The following ZNF600 variants were observed in gnomAD, a reference collection of about 807,000 sequenced individuals.
ZNF600 encodes the protein zinc finger protein 600.
A neutral mutation model predicts 7.3 loss-of-function variants in ZNF600; 4 were observed. That is an observed-to-expected ratio of 0.55 (90% CI 0.27 to 1.25). The LOEUF (loss-of-function observed/expected upper bound fraction) is 1.25. ZNF600 is among the 50% of genes most tolerant of loss of function. The pLI, the probability that ZNF600 is intolerant of heterozygous loss-of-function variation, is 0.12. For missense variants in ZNF600, 911 were observed against 922.1 expected (o/e 0.99, Z 0.16); for synonymous variants, 290 against 308.9 (o/e 0.94, Z 0.64).
At chr19:52,809,550 G>A in the ZNF600 span, among the ~76,000 whole-genome samples, 2 of 152,202 alleles carry the variant, frequency 1.3e-5, no homozygotes, top group Non-Finnish European at 2.9e-5. Flanking sequence ...GCTCACGCCT[G>A]TAATCCCAGC....
chr19:52,799,824 T>G, the ZNF600 span: 13 of 1,613,348 alleles, frequency 8.1e-6, no homozygotes, highest in African/African-American at 1.3e-5. Flanking sequence ...GTGTGCTTGT[T>G]GATTAAAAAC....
At chr19:52,767,314 G>A (rs772076552) in exon 4 of ZNF600, 61 of 1,614,026 alleles carry the variant, frequency 3.8e-5, no homozygotes, top group South Asian at 1.3e-4. Context: ...TGTGGGAGTA[G>A]TGAAGAATTC....
chr19:52,809,908 T>C, the ZNF600 span: 1 of 827,306 alleles, frequency 1.2e-6, no homozygotes, highest in Non-Finnish European at 2.0e-6. Flanking sequence ...CGCCATCTTG[T>C]GCCCGGGGCC....
upstream of ZNF600, among the ~76,000 whole-genome samples, chr19:52,787,401 C>CTTTTTTT (rs1167453014): frequency 7.8e-5 from 9 of 114,826 alleles, no homozygotes; most frequent in Non-Finnish European, 1.1e-4. Context: ...CGCTCTTTTA[C>CTTTTTTT]TTTTTTTTTT....
At chr19:52,824,597 T>G in the ZNF600 span, among the ~76,000 whole-genome samples, 210 of 152,176 alleles carry the variant, frequency 1.4e-3, no homozygotes, top group African/African-American at 4.9e-3. Context: ...ATTGTGCCAC[T>G]GCACTCCAGC....
the ZNF600 span, among the ~76,000 whole-genome samples, chr19:52,816,586 C>G: frequency 1.4e-5 from 2 of 145,026 alleles, 1 homozygote; most frequent in African/African-American, 5.4e-5. Flanking sequence ...ATGGCATGAA[C>G]CCAGGAGGCA....
chr19:52,784,336 G>A (rs1435139381), intron 1 of ZNF600, among the ~76,000 whole-genome samples: 1 of 152,184 alleles, frequency 6.6e-6, no homozygotes, highest in African/African-American at 2.4e-5. Context: ...AGCCTAGGAG[G>A]TCGAGGCTGC....
intron 3 of ZNF600, among the ~76,000 whole-genome samples, chr19:52,768,165 CAAAG>C (rs1047191072): frequency 6.7e-6 from 1 of 148,474 alleles, no homozygotes; most frequent in African/African-American, 2.5e-5. Context: ...AAAAAAAAAA[CAAAG>C]AAACCCACAC....
chr19:52,771,740 A>G (rs1002136375), intron 3 of ZNF600, among the ~76,000 whole-genome samples: 1 of 152,042 alleles, frequency 6.6e-6, no homozygotes, highest in African/African-American at 2.4e-5. Context: ...TGCCTCCCAA[A>G]TTTTTGGGAT....
the ZNF600 span, among the ~76,000 whole-genome samples, chr19:52,819,398 C>CTT: frequency 7.3e-4 from 99 of 135,630 alleles, 5 homozygotes; most frequent in African/African-American, 1.2e-3. Context: ...CATTCTATTG[C>CTT]TTTTTTTTTT....
At chr19:52,803,856 GTC>G in the ZNF600 span, among the ~76,000 whole-genome samples, 1 of 152,152 alleles carries the variant, frequency 6.6e-6, no homozygotes, top group South Asian at 2.1e-4. Flanking sequence ...GTACTTGGTA[GTC>G]TGAGGCAGAA....
the ZNF600 span, chr19:52,810,221 A>T: frequency 8.9e-7 from 1 of 1,126,472 alleles, no homozygotes. Context: ...AGAACGACGT[A>T]GAGAAGCAGA....
the ZNF600 span, among the ~76,000 whole-genome samples, chr19:52,818,597 C>T: frequency 6.6e-6 from 1 of 152,130 alleles, no homozygotes; most frequent in Non-Finnish European, 1.5e-5. Context: ...GTAATCCCAG[C>T]TACTCAGGAG....
At chr19:52,789,952 C>T (rs997039123), upstream of ZNF600, among the ~76,000 whole-genome samples, 2 of 151,846 alleles carry the variant, frequency 1.3e-5, no homozygotes, top group African/African-American at 4.8e-5. Flanking sequence ...GGGGTTTGTT[C>T]CCTGGTGGGT....
intron 1 of ZNF600, among the ~76,000 whole-genome samples, chr19:52,783,443 G>A (rs1166688872): frequency 2.6e-5 from 4 of 152,038 alleles, no homozygotes; most frequent in Admixed American, 1.3e-4. Context: ...CTCACTGCAA[G>A]CTCCGCCTCC....
chr19:52,800,637 C>A, the ZNF600 span: 1,003 of 1,613,060 alleles, frequency 6.2e-4, 1 homozygote, highest in Admixed American at 1.2e-3. Flanking sequence ...AGTATGAATC[C>A]TCTTATGTCT....
chr19:52,828,448 CA>C, the ZNF600 span, among the ~76,000 whole-genome samples: 15 of 152,190 alleles, frequency 9.9e-5, no homozygotes, highest in Non-Finnish European at 1.3e-4. Flanking sequence ...GCCTGGGTAA[CA>C]GGGAGAGACT....
chr19:52,766,093 T>G lies in ZNF600; in HGVS notation c.1870A>C (p.Lys624Gln), dbSNP rs747749352. 24 of 1,614,146 alleles carry G rather than the reference T, an allele frequency of 1.5e-5. No individual in the cohort carries two copies. In the East Asian group the frequency reaches 4.7e-4, roughly 31 times the overall value. The change falls in exon 4 of 4, where the codon AAG becomes CAG. Residue 624 changes from lysine (K) to glutamine (Q), a missense_variant. Physicochemically the swap from Lys to Gln is moderately conservative, Grantham distance 53. Coordinates refer to ENST00000648973, the Ensembl canonical transcript of ZNF600. ...AAGGTCTTGCCACACTCATTACACT[T>G]GTAAGGTTTCTCACCACTATGAAGT... is the stretch of plus-strand genomic sequence containing the variant.
chr19:52,772,268 A>C (rs1198997034), intron 3 of ZNF600, among the ~76,000 whole-genome samples: 1 of 152,032 alleles, frequency 6.6e-6, no homozygotes, highest in Non-Finnish European at 1.5e-5. Flanking sequence ...AGATTGAACC[A>C]ATGTACTCCA....
Sources: allele counts gnomAD v4.1 joint callset (sites outside exome capture counted in the v4.1 genomes callset), GRCh38; gene constraint gnomAD v4.1.1; transcripts MANE v1.5; gene names NCBI Gene and HGNC (gene_info 2026-07-23, HGNC 2026-07-21).